The following EXOSC8 variants were observed in gnomAD, a reference collection of about 807,000 sequenced individuals.
The protein encoded by EXOSC8 is exosome component 8.
EXOSC8 carries 37 observed loss-of-function variants against 39.9 expected under a neutral mutation model. That is an observed-to-expected ratio of 0.93 (90% CI 0.71 to 1.22). The LOEUF (loss-of-function observed/expected upper bound fraction) is 1.22. Among genes scored for constraint, EXOSC8 ranks in the 50% most tolerant of loss-of-function variants. The probability of loss-of-function intolerance (pLI) is 0.00; values close to 1 mark genes in which losing one functional copy is unlikely to be tolerated. For synonymous variants in EXOSC8, 93 were observed against 109.5 expected (o/e 0.85, Z 0.94); for missense variants, 313 against 326.6 (o/e 0.96, Z 0.32).
At chr13:37,006,936 G>A (rs1296571202) in intron 7 of EXOSC8, 39 bp from the exon 8 acceptor site, 4 of 1,271,740 alleles carry the variant, frequency 3.1e-6, no homozygotes, top group Non-Finnish European at 4.6e-6. Flanking sequence ...CTACCCATTA[G>A]AAGACTTTAA....
At chr13:37,002,046 C>T (rs1182756835) in intron 1 of EXOSC8, among the ~76,000 whole-genome samples, 4 of 152,132 alleles carry the variant, frequency 2.6e-5, no homozygotes, top group African/African-American at 9.7e-5. Context: ...TTAAAGAGCT[C>T]ACTCAAAGGG....
chr13:37,009,280 AGAGT>A lies in EXOSC8; in HGVS notation c.813_816del (p.Ser272Ter). 1 of 1,601,532 alleles carries A rather than the reference AGAGT, an allele frequency of 6.2e-7. No individual in the cohort carries two copies. The highest frequency in any genetic ancestry group is 8.6e-7 in the Non-Finnish European group (1 of 1,169,352). ...AAAAAACTGATGGATGAAGTAATTA[AGAGT>A]ATGAAACCCAAATAAACAGCCACCA... On this transcript the variant is annotated frameshift_variant, in exon 11 of 11. Coordinates refer to ENST00000389704, the MANE Select transcript of EXOSC8 (RefSeq NM_181503.3). LOFTEE classifies it high-confidence loss of function.
chr13:37,006,632 G>T (rs1566075592), intron 7 of EXOSC8, among the ~76,000 whole-genome samples: 1 of 151,930 alleles, frequency 6.6e-6, no homozygotes, highest in Non-Finnish European at 1.5e-5. Flanking sequence ...TTATGAGAAC[G>T]TGCATTTTGA....
rs1380849928 is a variant in EXOSC8, at chr13:37,005,987, C to T, written c.306C>T (p.Ala102=). 4 of 1,612,574 alleles carry T rather than the reference C, an allele frequency of 2.5e-6. No homozygotes were observed. The highest frequency in any genetic ancestry group is 3.3e-5 in the Admixed American group (2 of 59,986). ...GGTCTGGACCTCCTGGAGAAGAGGCCCAAGTGGCTAGCCAGTTCATTGCAG... is the reference window on the plus strand; with the variant it reads ...GGTCTGGACCTCCTGGAGAAGAGGCTCAAGTGGCTAGCCAGTTCATTGCAG... ...RFRSGPPGEE[A]QVASQFIADV... Residue 102 remains alanine (A), a synonymous_variant, in exon 6 of 11, where the codon GCC becomes GCT. Transcript: ENST00000389704.
Position 37,008,136 on chromosome 13 carries a change from T to G in EXOSC8, c.567T>G (p.Ile189Met), listed in dbSNP as rs1399194821. Residue 189 changes from isoleucine to methionine, a missense_variant, in exon 9 of 11, where the codon ATT (isoleucine) becomes ATG (methionine). Ile to Met is a conservative substitution (Grantham distance 10, BLOSUM62 1). Transcript: ENST00000389704. ...VNLKKKSYLN[I>M]RTHPVATSFA... is the part of the protein sequence containing the mutation. ...TAAAGAAGAAAAGTTATTTGAATAT[T>G]AGAACTCATCCAGTTGCAACTTCCT... 3 of 1,597,702 alleles carry G rather than the reference T, an allele frequency of 1.9e-6. No individual in the cohort carries two copies. In the African/African-American group the frequency reaches 4.1e-5, roughly 22 times the overall value.
intron 2 of EXOSC8, 67 bp downstream of exon 2, chr13:37,002,376 TAATTTA>T: frequency 2.1e-6 from 3 of 1,426,518 alleles, no homozygotes; most frequent in Non-Finnish European, 3.0e-6. Context: ...GAATTTCAAG[TAATTTA>T]AATTAATCCA....
chr13:37,003,856 TAA>T (rs2059121358), intron 4 of EXOSC8: 1 of 152,164 alleles, frequency 6.6e-6, no homozygotes, highest in African/African-American at 2.4e-5. Flanking sequence ...ACTGGCTTAG[TAA>T]TTGCAGAGCA....
rs757011310 is a variant in EXOSC8 at position 37,002,954 on chromosome 13, G to A, written c.139G>A (p.Gly47Ser). 4 of 1,610,614 alleles carry A rather than the reference G, an allele frequency of 2.5e-6. No individual in the cohort carries two copies. Among genetic ancestry groups the A allele is most frequent in the Non-Finnish European group, 2.5e-6 (3 of 1,177,296 alleles). ...TTCAGGTTCAATTAGTACCGCAGAT[G>A]GTTCTGCTTTAGTGAAGTTGGGAAA... ...VNIGSISTAD[G>S]SALVKLGNTT... Residue 47 changes from glycine to serine, a missense_variant, in exon 4 of 11, where the codon GGT becomes AGT. Gly to Ser is a moderately conservative substitution (Grantham distance 56, BLOSUM62 0). Transcript: ENST00000389704.
intron 7 of EXOSC8, among the ~76,000 whole-genome samples, chr13:37,006,503 A>G (rs1189425642): frequency 6.6e-6 from 1 of 152,190 alleles, no homozygotes; most frequent in Non-Finnish European, 1.5e-5. Context: ...GAATCCACAC[A>G]GTAGATTCCA....
chr13:37,004,373 A>T, intron 4 of EXOSC8, 143 bp from the exon 5 acceptor site: 1 of 615,304 alleles, frequency 1.6e-6, no homozygotes. Context: ...AGCTATTGTG[A>T]GGATCAGCAC....
Position 37,009,491 on chromosome 13 carries a change from T to C in EXOSC8, c.*192T>C, listed in dbSNP as rs1351036784. 1.2e-6 allele frequency: 1 copy of C among 861,500 alleles called. No individual in the cohort carries two copies. Among genetic ancestry groups the C allele is most frequent in the African/African-American group, 1.7e-5 (1 of 58,566 alleles). 53.4% of individuals were successfully genotyped at this position (861,500 alleles called of 1,614,324 possible). ...AGCAATGACTTAGGCAAACCAACCC[T>C]AGTTTGTTAAACCATTTCCCTGTTT... On this transcript the variant is annotated 3_prime_UTR_variant, in exon 11 of 11. Transcript: ENST00000389704.
At chr13:37,000,862 GCGGA>G in intron 1 of EXOSC8, 40 bp downstream of exon 1, 1 of 1,475,848 alleles carries the variant, frequency 6.8e-7, no homozygotes, top group Non-Finnish European at 9.0e-7. Flanking sequence ...CTGTACCCTG[GCGGA>G]CGGCAGCTTC....
chr13:37,001,100 G>C (rs2059099946), intron 1 of EXOSC8, among the ~76,000 whole-genome samples: 1 of 152,186 alleles, frequency 6.6e-6, no homozygotes, highest in Non-Finnish European at 1.5e-5. Context: ...AGTCCCAGGA[G>C]ACATAGTTGT....
At chr13:37,002,192 C>CA (rs2059110708) in intron 1 of EXOSC8, 81 bp from the exon 2 acceptor site, 1 of 1,040,924 alleles carries the variant, frequency 9.6e-7, no homozygotes, top group African/African-American at 1.6e-5. Context: ...TGCATCACCA[C>CA]ACTTAAGATC....
At chr13:37,006,285 A>G (rs1027616233) in intron 7 of EXOSC8, 125 bp downstream of exon 7, 3 of 629,632 alleles carry the variant, frequency 4.8e-6, no homozygotes, top group Non-Finnish European at 8.4e-6. Context: ...TGTCTTACAG[A>G]TTTTAGAGAT....
Position 37,009,311 on chromosome 13 carries a change from A to G in EXOSC8, c.*12A>G, listed in dbSNP as rs369711913. On this transcript the variant is annotated 3_prime_UTR_variant, in exon 11 of 11. Coordinates refer to ENST00000389704, the MANE Select transcript of EXOSC8 (RefSeq NM_181503.3). ...TGAAACCCAAATAAACAGCCACCAC[A>G]TTTTCAAAACAGATTTGTAAAAATT... The G allele has an allele frequency of 6.2e-6, 9 of 1,443,432 alleles. No homozygotes were observed. Among genetic ancestry groups the G allele is most frequent in the African/African-American group, 2.8e-5 (2 of 71,274 alleles). The allele number at this position is 1,443,432 out of a possible 1,614,324, so 89.4% of individuals were successfully genotyped here.
chr13:37,006,447 C>T (rs1260618719), intron 7 of EXOSC8, among the ~76,000 whole-genome samples: 5 of 151,834 alleles, frequency 3.3e-5, no homozygotes, highest in African/African-American at 9.7e-5. Flanking sequence ...TTTTTTATTC[C>T]TTATAGCAGA....
intron 8 of EXOSC8, among the ~76,000 whole-genome samples, chr13:37,007,678 T>C (rs952417429): frequency 6.6e-6 from 1 of 152,080 alleles, no homozygotes; most frequent in African/African-American, 2.4e-5. Context: ...GATTCCTGGC[T>C]CTCTCACTCT....
intron 1 of EXOSC8, among the ~76,000 whole-genome samples, chr13:37,001,024 G>A (rs137857129): frequency 1.0e-3 from 154 of 152,334 alleles, no homozygotes; most frequent in Non-Finnish European, 1.9e-3. Context: ...GACGGGAGAT[G>A]AAAGGACTCT....
Sources: gnomAD v4.1 joint callset for allele counts (sites outside exome capture counted in the v4.1 genomes callset) on GRCh38, gnomAD v4.1.1 for gene constraint, MANE v1.5 for transcripts, NCBI Gene and HGNC (gene_info 2026-07-23, HGNC 2026-07-21) for gene names.